PTPRD: variants seen among roughly 807,000 people sequenced by gnomAD.
The protein encoded by PTPRD is protein tyrosine phosphatase receptor type D.
In PTPRD, 34 loss-of-function variants were observed where a neutral mutation model predicts 214.5. That is an observed-to-expected ratio of 0.16 (90% CI 0.12 to 0.21). The LOEUF is 0.21. PTPRD is among the 10% of genes least tolerant of loss of function. PTPRD has a pLI of 1.00. For synonymous variants in PTPRD, 1,128 were observed against 845.7 expected, an observed-to-expected ratio of 1.33 and a Z score of -5.79; for missense variants, 2,545 against 2,398.7, an observed-to-expected ratio of 1.06 and a Z score of -1.27.
intron 4 of PTPRD, among the ~76,000 whole-genome samples, chr9:10,013,290 CT>C (rs756205938): frequency 4.6e-4 from 70 of 151,812 alleles, no homozygotes; most frequent in Admixed American, 3.8e-3. Context: ...TGTGCTAATG[CT>C]GGCGAAAGAC....
intron 3 of PTPRD, among the ~76,000 whole-genome samples, chr9:10,096,931 G>A (rs1591071904): frequency 6.6e-6 from 1 of 151,952 alleles, no homozygotes; most frequent in East Asian, 2.0e-4. Context: ...GTAAGGAAGG[G>A]ATCCAGTTTC....
chr9:10,061,455 C>G (rs1567415016), intron 3 of PTPRD, among the ~76,000 whole-genome samples: 1 of 152,070 alleles, frequency 6.6e-6, no homozygotes, highest in Non-Finnish European at 1.5e-5. Context: ...CTTCTCACAT[C>G]ACACACATCT....
intron 11 of PTPRD, among the ~76,000 whole-genome samples, chr9:8,986,305 A>AT (rs1386649368): frequency 7.9e-5 from 12 of 152,112 alleles, no homozygotes; most frequent in Non-Finnish European, 2.9e-5. Flanking sequence ...AATAGATATT[A>AT]TTTTTTATTT....
intron 5 of PTPRD, among the ~76,000 whole-genome samples, chr9:9,816,937 G>A (rs1032117656): frequency 1.3e-5 from 2 of 151,842 alleles, no homozygotes; most frequent in African/African-American, 4.8e-5. Flanking sequence ...TTTCTTAGTG[G>A]AACAATTAAT....
intron 2 of PTPRD, among the ~76,000 whole-genome samples, chr9:10,441,177 C>T (rs150693195): frequency 8.9e-4 from 135 of 151,778 alleles, no homozygotes; most frequent in African/African-American, 3.1e-3. Flanking sequence ...CAGACTGATG[C>T]ATTTAAAATG....
At chr9:10,332,443 T>C (rs2096768426) in intron 3 of PTPRD, among the ~76,000 whole-genome samples, 2 of 151,958 alleles carry the variant, frequency 1.3e-5, no homozygotes, top group African/African-American at 4.8e-5. Context: ...TTCACTTCCC[T>C]GATCATACAA....
At chr9:9,433,043 A>C (rs1377547652) in intron 8 of PTPRD, among the ~76,000 whole-genome samples, 1 of 152,186 alleles carries the variant, frequency 6.6e-6, no homozygotes, top group Non-Finnish European at 1.5e-5. Flanking sequence ...CGTGTGTATA[A>C]GAGTGTGTGT....
At chr9:9,496,384 C>T (rs916058293) in intron 8 of PTPRD, among the ~76,000 whole-genome samples, 1 of 152,008 alleles carries the variant, frequency 6.6e-6, no homozygotes, top group African/African-American at 2.4e-5. Context: ...AACTCAACAA[C>T]AAAACCCAAG....
At chr9:9,836,266 G>C (rs1420573717) in intron 5 of PTPRD, among the ~76,000 whole-genome samples, 1 of 152,096 alleles carries the variant, frequency 6.6e-6, no homozygotes, top group South Asian at 2.1e-4. Flanking sequence ...TTAACTTAAG[G>C]CTTATTTGAA....
At chr9:10,571,477 G>C (rs1383279410) in intron 2 of PTPRD, among the ~76,000 whole-genome samples, 1 of 152,088 alleles carries the variant, frequency 6.6e-6, no homozygotes, top group Non-Finnish European at 1.5e-5. Flanking sequence ...AAAGAAACTA[G>C]CTTTCGGAAT....
Position 8,524,949 on chromosome 9 carries a change from C to T in PTPRD, c.655G>A (p.Ala219Thr), listed in dbSNP as rs771217760. Residue 219 changes from alanine (A) to threonine (T), a missense_variant, in exon 18 of 46, where the codon GCT (alanine) becomes ACT (threonine). Coordinates refer to ENST00000381196, the MANE Select transcript of PTPRD (RefSeq NM_002839.4). ...CCTCTGACATATAAATTGGCAGGAG[C>T]GGAATAGCGAGTGCCCGCGCTGTTG... ...ATNSAGTRYS[A>T]PANLYVRELR... 1.4e-5 allele frequency: 23 copies of T among 1,613,314 alleles called. No individual in the cohort carries two copies. The African/African-American group carries it at 1.9e-4, about 13-fold the overall frequency.
intron 45 of PTPRD, among the ~76,000 whole-genome samples, chr9:8,318,399 ATTTAC>A (rs1823647296): frequency 2.0e-5 from 3 of 152,216 alleles, no homozygotes; most frequent in South Asian, 2.1e-4. Flanking sequence ...AAAAATCTGA[ATTTAC>A]TTATCTTCTG....
At chr9:10,533,519 G>C (rs2134841065) in intron 2 of PTPRD, among the ~76,000 whole-genome samples, 1 of 143,998 alleles carries the variant, frequency 6.9e-6, no homozygotes, top group Middle Eastern at 3.6e-3. Context: ...ATTGAAATTA[G>C]TCTAATTTTT....
rs77603651 is a variant in PTPRD, at chr9:10,091,833, A to G, written c.-544-58043T>C. ...CAGTTTATTAAAAAATAGCATCATCATTAAGAAACAAGTTCAAAAGAAGTT... is the reference window on the plus strand; with the variant it reads ...CAGTTTATTAAAAAATAGCATCATCGTTAAGAAACAAGTTCAAAAGAAGTT... On this transcript the variant is annotated intron_variant, in intron 3 of 45. Coordinates refer to ENST00000381196, the MANE Select transcript of PTPRD (RefSeq NM_002839.4). Among the ~76,000 whole-genome samples, 150 of 151,564 alleles carry G rather than the reference A, an allele frequency of 9.9e-4. 1 individual carries two copies. The highest frequency in any genetic ancestry group is 3.4e-3 in the African/African-American group (143 of 41,472).
At chr9:9,947,558 T>TATTTC (rs2092906303) in intron 4 of PTPRD, among the ~76,000 whole-genome samples, 11 of 37,910 alleles carry the variant, frequency 2.9e-4, no homozygotes, top group African/African-American at 1.6e-3. Flanking sequence ...ATATTATATA[T>TATTTC]ATATTTTATA....
At chr9:9,657,669 A>G (rs2154377567) in intron 7 of PTPRD, among the ~76,000 whole-genome samples, 1 of 152,332 alleles carries the variant, frequency 6.6e-6, no homozygotes, top group East Asian at 1.9e-4. Flanking sequence ...TTATGACCGA[A>G]TCTTTGTTTT....
chr9:10,512,645 T>C (rs1262247945), intron 2 of PTPRD, among the ~76,000 whole-genome samples: 1 of 151,994 alleles, frequency 6.6e-6, no homozygotes, highest in Non-Finnish European at 1.5e-5. Context: ...GAAGAGAAAA[T>C]AGGTCAATTT....
intron 9 of PTPRD, among the ~76,000 whole-genome samples, chr9:9,301,738 C>T (rs995415897): frequency 1.3e-5 from 2 of 151,844 alleles, no homozygotes; most frequent in African/African-American, 4.8e-5. Flanking sequence ...GTATTGATTG[C>T]ACTAATTATA....
At chr9:8,735,207 A>G (rs2089955669) in intron 11 of PTPRD, among the ~76,000 whole-genome samples, 1 of 149,674 alleles carries the variant, frequency 6.7e-6, no homozygotes, top group African/African-American at 2.5e-5. Context: ...GCAGTGGTAC[A>G]ATCACGGCTC....
Sources: gnomAD v4.1 joint callset for allele counts (sites outside exome capture counted in the v4.1 genomes callset) on GRCh38, gnomAD v4.1.1 for gene constraint, MANE v1.5 for transcripts, NCBI Gene and HGNC (gene_info 2026-07-23, HGNC 2026-07-21) for gene names.